PHF14: variants seen among roughly 807,000 people sequenced by gnomAD.
PHF14 encodes the protein PHD finger protein 14.
A neutral mutation model predicts 117.9 loss-of-function variants in PHF14; 55 were observed. The observed-to-expected ratio is 0.47, with a 90% CI of 0.38 to 0.58. The LOEUF (loss-of-function observed/expected upper bound fraction) is 0.58. Among genes scored for constraint, PHF14 ranks in the 20% least tolerant of loss-of-function variants. The probability of loss-of-function intolerance (pLI) is 0.00; values close to 1 mark genes in which losing one functional copy is unlikely to be tolerated. For missense variants in PHF14, 978 were observed against 1,122.2 expected (o/e 0.87, Z 1.84); for synonymous variants, 409 against 368.6 (o/e 1.11, Z -1.26).
intron 4 of PHF14, among the ~76,000 whole-genome samples, chr7:10,991,604 C>G (rs1377789254): frequency 3.3e-5 from 5 of 152,178 alleles, no homozygotes; most frequent in Non-Finnish European, 7.4e-5. Context: ...GCCACCGCAC[C>G]TGGTCCCCCA....
chr7:11,074,765 A>G (rs1254255774), intron 16 of PHF14, among the ~76,000 whole-genome samples: 1 of 152,118 alleles, frequency 6.6e-6, no homozygotes, highest in Non-Finnish European at 1.5e-5. Flanking sequence ...CTGAGGCCTC[A>G]TCAGTCTGGC....
At chr7:10,992,776 C>T (rs1386754858) in intron 4 of PHF14, among the ~76,000 whole-genome samples, 1 of 152,182 alleles carries the variant, frequency 6.6e-6, no homozygotes, top group East Asian at 1.9e-4. Context: ...AGATTGTATT[C>T]AGATGTTGCC....
intron 13 of PHF14, among the ~76,000 whole-genome samples, chr7:11,046,932 G>A (rs1008334961): frequency 1.3e-5 from 2 of 151,176 alleles, no homozygotes; most frequent in Admixed American, 6.6e-5. Context: ...TTGTGGAGGA[G>A]AAAAAAGTAA....
At chr7:10,988,720 A>G (rs1313243052) in intron 3 of PHF14, among the ~76,000 whole-genome samples, 1 of 152,086 alleles carries the variant, frequency 6.6e-6, no homozygotes. Context: ...AACCACCTTA[A>G]CAAGAGATAC....
At chr7:11,037,301 C>T (rs550521942) in intron 10 of PHF14, among the ~76,000 whole-genome samples, 2 of 152,244 alleles carry the variant, frequency 1.3e-5, no homozygotes, top group African/African-American at 4.8e-5. Flanking sequence ...GATCTCTTTA[C>T]ATGTATTATT....
chr7:11,070,531 A>G (rs1334929289), intron 16 of PHF14, among the ~76,000 whole-genome samples: 1 of 152,056 alleles, frequency 6.6e-6, no homozygotes, highest in African/African-American at 2.4e-5. Flanking sequence ...TCTGTAATGT[A>G]TTTGGGCATA....
intron 16 of PHF14, among the ~76,000 whole-genome samples, chr7:11,088,957 C>T (rs556703457): frequency 5.8e-4 from 88 of 152,136 alleles, no homozygotes; most frequent in Middle Eastern, 3.4e-3. Flanking sequence ...AAAAAATGAG[C>T]ATGGTATTAT....
intron 17 of PHF14, among the ~76,000 whole-genome samples, chr7:11,134,052 A>G (rs1349378219): frequency 6.6e-6 from 1 of 152,144 alleles, no homozygotes; most frequent in East Asian, 1.9e-4. Context: ...AAGACTATCC[A>G]GTGCCTGGGA....
At chr7:10,991,759 ATT>A (rs71023881) in intron 4 of PHF14, among the ~76,000 whole-genome samples, 1 of 111,040 alleles carries the variant, frequency 9.0e-6, no homozygotes, top group Non-Finnish European at 1.7e-5. Context: ...TAATTTTTTA[ATT>A]TTTTTTTTTT....
chr7:11,106,499 A>G, intron 16 of PHF14: 1 of 951,558 alleles, frequency 1.1e-6, no homozygotes, highest in Non-Finnish European at 1.3e-6. Context: ...GTACTTATTG[A>G]TACTAAATGT....
intron 5 of PHF14, among the ~76,000 whole-genome samples, chr7:11,021,405 T>C (rs1184625072): frequency 6.6e-6 from 1 of 152,190 alleles, no homozygotes; most frequent in East Asian, 1.9e-4. Context: ...ACCATAGTTG[T>C]CTCGGCCATG....
At chr7:11,090,907 T>G (rs1167285866) in intron 16 of PHF14, among the ~76,000 whole-genome samples, 1 of 152,100 alleles carries the variant, frequency 6.6e-6, no homozygotes, top group Non-Finnish European at 1.5e-5. Context: ...GGTCAGGAGG[T>G]AGCAGTCATT....
chr7:11,146,269 G>T (rs1388648042), intron 17 of PHF14, among the ~76,000 whole-genome samples: 1 of 152,058 alleles, frequency 6.6e-6, no homozygotes, highest in African/African-American at 2.4e-5. Flanking sequence ...TCTGCCACAG[G>T]AATATCAGAT....
chr7:10,976,367 T>A (rs1339704862), intron 2 of PHF14, among the ~76,000 whole-genome samples: 1 of 152,188 alleles, frequency 6.6e-6, no homozygotes, highest in East Asian at 1.9e-4. Context: ...CTTAGTTCTC[T>A]TGGTAAAGAC....
chr7:11,074,561 C>T (rs181162032), intron 16 of PHF14, among the ~76,000 whole-genome samples: 1 of 152,164 alleles, frequency 6.6e-6, no homozygotes, highest in Non-Finnish European at 1.5e-5. Context: ...GATTCATAGG[C>T]TGTTATAAGC....
chr7:11,085,334 T>C (rs1476315477), intron 16 of PHF14, among the ~76,000 whole-genome samples: 1 of 152,196 alleles, frequency 6.6e-6, no homozygotes, highest in Non-Finnish European at 1.5e-5. Context: ...TAAAACAATT[T>C]ATTAGTTTTC....
chr7:11,117,426 A>G (rs1232229421), intron 17 of PHF14, among the ~76,000 whole-genome samples: 2 of 151,860 alleles, frequency 1.3e-5, no homozygotes, highest in Non-Finnish European at 2.9e-5. Context: ...AGAACTACAA[A>G]TGCGTGACAG....
chr7:11,025,296 G>A (rs1420487830), intron 6 of PHF14, among the ~76,000 whole-genome samples: 1 of 152,162 alleles, frequency 6.6e-6, no homozygotes, highest in Non-Finnish European at 1.5e-5. Flanking sequence ...AAGATGCTAT[G>A]AACATTGTTA....
At position 11,009,195 on chromosome 7, in the gene PHF14, C is replaced by T. The variant is rs912012364; in HGVS notation, c.1046-4552C>T. On this transcript the variant is annotated intron_variant, in intron 4 of 17. Coordinates refer to ENST00000634607, the MANE Select transcript of PHF14 (RefSeq NM_001007157.2). ...TAATTAGGATAGATATTATTAAACA[C>T]ATACTGCAGATGAAATAACTAAGCT... Among the ~76,000 whole-genome samples, 226 of 152,058 alleles carry T rather than the reference C, an allele frequency of 1.5e-3. 5 individuals are homozygous for T. Among genetic ancestry groups the T allele is most frequent in the Admixed American group, 0.015 (226 of 15,276 alleles).
Sources: gnomAD v4.1 joint callset for allele counts (sites outside exome capture counted in the v4.1 genomes callset) on GRCh38, gnomAD v4.1.1 for gene constraint, MANE v1.5 for transcripts, NCBI Gene and HGNC (gene_info 2026-07-23, HGNC 2026-07-21) for gene names.